The following TLR6 variants were observed in gnomAD, a reference collection of about 807,000 sequenced individuals.
TLR6 encodes the protein toll like receptor 6.
A neutral mutation model predicts 16.1 loss-of-function variants in TLR6; 9 were observed. That is an observed-to-expected ratio of 0.56 (90% CI 0.34 to 0.98). The LOEUF (loss-of-function observed/expected upper bound fraction) is 0.98, where lower values mean the gene tolerates loss of function less well. Among genes scored for constraint, TLR6 ranks in the 50% least tolerant of loss-of-function variants. The pLI, the probability that TLR6 is intolerant of heterozygous loss-of-function variation, is 0.02. For synonymous variants in TLR6, 340 were observed against 338.6 expected, an observed-to-expected ratio of 1.00 and a Z score of -0.04; for missense variants, 786 against 921.0, an observed-to-expected ratio of 0.85 and a Z score of 1.90.
At chr4:38,866,753 T>G in the TLR6 span, among the ~76,000 whole-genome samples, 1 of 152,110 alleles carries the variant, frequency 6.6e-6, no homozygotes, top group Non-Finnish European at 1.5e-5. Flanking sequence ...AAAAAGCTGT[T>G]TATGCATACA....
At chr4:38,865,627 G>A in the TLR6 span, among the ~76,000 whole-genome samples, 2 of 152,164 alleles carry the variant, frequency 1.3e-5, no homozygotes, top group Non-Finnish European at 2.9e-5. Context: ...CACACCTGTT[G>A]CAACTGGAAC....
intron 1 of TLR6, among the ~76,000 whole-genome samples, chr4:38,849,072 C>T (rs887060067): frequency 1.3e-5 from 2 of 152,202 alleles, no homozygotes; most frequent in African/African-American, 4.8e-5. Flanking sequence ...AGACTAACAG[C>T]TGATCTCTCG....
chr4:38,823,565 G>C (rs1727406137), downstream of TLR6: 2 of 152,230 alleles, frequency 1.3e-5, no homozygotes, highest in African/African-American at 4.8e-5. Flanking sequence ...AACTGAAAAC[G>C]TGTTGAGGCA....
At position 38,840,060 on chromosome 4, in the gene TLR6, G is replaced by A. The variant is rs142860363; in HGVS notation, c.-64-10523C>T. ...GACCTATCACTTGATTTGGAATTAG[G>A]TGTGATCAAGGCTTCTAAAAGGGAA... On this transcript the variant is annotated intron_variant, in intron 1 of 1. Coordinates refer to ENST00000436693, the Ensembl canonical transcript of TLR6. 3.1e-3 allele frequency among the ~76,000 whole-genome samples: 478 copies of A among 152,268 alleles called. 4 individuals carry two copies. The highest frequency in any genetic ancestry group is 0.011 in the African/African-American group (464 of 41,536).
chr4:38,846,363 T>G (rs536158015), intron 1 of TLR6, among the ~76,000 whole-genome samples: 1 of 152,274 alleles, frequency 6.6e-6, no homozygotes, highest in Non-Finnish European at 1.5e-5. Context: ...GAGGAGAGAT[T>G]CTTTTAAAAA....
chr4:38,855,982 A>G (rs1315523607), intron 1 of TLR6, among the ~76,000 whole-genome samples: 1 of 152,160 alleles, frequency 6.6e-6, no homozygotes, highest in Non-Finnish European at 1.5e-5. Flanking sequence ...ATGAAAATTA[A>G]AACTACAAGG....
downstream of TLR6, among the ~76,000 whole-genome samples, chr4:38,823,265 G>C (rs1727397613): frequency 6.6e-6 from 1 of 152,134 alleles, no homozygotes; most frequent in African/African-American, 2.4e-5. Flanking sequence ...GCTATGTTTA[G>C]ATATGTTTGG....
intron 1 of TLR6, among the ~76,000 whole-genome samples, chr4:38,851,602 CAGAG>C (rs1269197740): frequency 6.6e-6 from 1 of 152,124 alleles, no homozygotes; most frequent in Non-Finnish European, 1.5e-5. Flanking sequence ...AACAGACAAA[CAGAG>C]AGCCAAATCA....
At chr4:38,843,128 G>C (rs1325414920) in intron 1 of TLR6, among the ~76,000 whole-genome samples, 1 of 152,186 alleles carries the variant, frequency 6.6e-6, no homozygotes, top group Non-Finnish European at 1.5e-5. Flanking sequence ...TATAGACATT[G>C]ACGTTCATGA....
intron 1 of TLR6, among the ~76,000 whole-genome samples, chr4:38,838,512 G>A (rs1483506992): frequency 6.6e-6 from 1 of 152,180 alleles, no homozygotes; most frequent in Non-Finnish European, 1.5e-5. Flanking sequence ...CAAATATTGT[G>A]TTCTCACTCA....
At chr4:38,858,828 A>C (rs1177793365), upstream of TLR6, among the ~76,000 whole-genome samples, 4 of 96,126 alleles carry the variant, frequency 4.2e-5, no homozygotes, top group Non-Finnish European at 8.6e-5. Flanking sequence ...AGAGAGAGAG[A>C]GAGGAAGAAA....
chr4:38,862,311 C>A, the TLR6 span, among the ~76,000 whole-genome samples: 4 of 152,106 alleles, frequency 2.6e-5, no homozygotes, highest in Non-Finnish European at 4.4e-5. Flanking sequence ...TAAGGTTTCA[C>A]TCCCATCACC....
At chr4:38,834,661 G>C (rs1159145312) in intron 1 of TLR6, among the ~76,000 whole-genome samples, 2 of 152,062 alleles carry the variant, frequency 1.3e-5, no homozygotes, top group African/African-American at 2.4e-5. Context: ...AAAAAGTCAA[G>C]TCATATAGAA....
At chr4:38,837,794 C>G (rs1410453683) in intron 1 of TLR6, among the ~76,000 whole-genome samples, 1 of 152,128 alleles carries the variant, frequency 6.6e-6, no homozygotes, top group African/African-American at 2.4e-5. Flanking sequence ...AAACAATCAA[C>G]AGGGTGAATA....
At chr4:38,830,843 A>G (rs939521386) in intron 1 of TLR6, among the ~76,000 whole-genome samples, 7 of 152,236 alleles carry the variant, frequency 4.6e-5, no homozygotes, top group Admixed American at 6.5e-5. Context: ...AATAATCACT[A>G]GCCCCCAGAT....
At chr4:38,854,527 A>C (rs1460864777) in intron 1 of TLR6, among the ~76,000 whole-genome samples, 1 of 147,190 alleles carries the variant, frequency 6.8e-6, no homozygotes, top group African/African-American at 2.4e-5. Context: ...TTTAAAAGGC[A>C]AGATTTTTTT....
At chr4:38,846,658 T>G (rs976915535) in intron 1 of TLR6, among the ~76,000 whole-genome samples, 1 of 152,150 alleles carries the variant, frequency 6.6e-6, no homozygotes, top group African/African-American at 2.4e-5. Context: ...AGAAAAGTAG[T>G]AAAATTTAGT....
At chr4:38,855,883 G>T (rs1712963975) in intron 1 of TLR6, among the ~76,000 whole-genome samples, 1 of 151,712 alleles carries the variant, frequency 6.6e-6, no homozygotes, top group South Asian at 2.1e-4. Context: ...ACAGGTAAAT[G>T]CTCTTGATTT....
Position 38,834,962 on chromosome 4 carries a change from G to C in TLR6, c.-64-5425C>G, listed in dbSNP as rs1271464287. Among the ~76,000 whole-genome samples the C allele has an allele frequency of 2.6e-5, 4 of 152,132 alleles. No individual in the cohort carries two copies. The East Asian group carries it at 7.7e-4, about 29-fold the overall frequency. ...ACACATGAAAGTATAAAACTCACTA[G>C]TAGAGCAAATACATAAATGAAAGAG... is the stretch of plus-strand genomic sequence containing the variant. On this transcript the variant is annotated intron_variant, in intron 1 of 1. Transcript: ENST00000436693.
Sources: allele counts gnomAD v4.1 joint callset (sites outside exome capture counted in the v4.1 genomes callset), GRCh38; gene constraint gnomAD v4.1.1; transcripts MANE v1.5; gene names NCBI Gene and HGNC (gene_info 2026-07-23, HGNC 2026-07-21).